NRXN1: variants seen among roughly 807,000 people sequenced by gnomAD.
NRXN1 encodes the protein neurexin 1, also known as neurexin-1.
Under a neutral mutation model 150.9 loss-of-function variants are expected in NRXN1, and 39 were observed. The observed-to-expected ratio is 0.26, with a 90% CI of 0.20 to 0.34. The LOEUF (loss-of-function observed/expected upper bound fraction) is 0.34, where lower values mean the gene tolerates loss of function less well. NRXN1 is among the 10% of genes least tolerant of loss of function. The pLI is 1.00. For missense variants in NRXN1, 1,815 were observed against 1,949.9 expected, an observed-to-expected ratio of 0.93 and a Z score of 1.30; for synonymous variants, 924 against 757.0, an observed-to-expected ratio of 1.22 and a Z score of -3.62.
At chr2:50,598,233 G>T (rs1675564144) in intron 8 of NRXN1, among the ~76,000 whole-genome samples, 1 of 151,540 alleles carries the variant, frequency 6.6e-6, no homozygotes, top group Non-Finnish European at 1.5e-5. Flanking sequence ...ACTAAATTTT[G>T]CCTGCCCTTA....
In NRXN1 at chr2:50,670,420, A is replaced by G. The variant is rs1688674884; in HGVS notation, c.833-46805T>C. Among the ~76,000 whole-genome samples the G allele has an allele frequency of 2.0e-5, 3 of 151,968 alleles. No individual in the cohort carries two copies. In the South Asian group the frequency reaches 6.2e-4, roughly 31 times the overall value. ...TATTGTAACGTAAACAATATTAAGT[A>G]TAACTTTCTTTTAAAAAATAATTTT... On this transcript the variant is annotated intron_variant, in intron 5 of 22. Transcript: ENST00000401669.
chr2:50,045,844 A>G (rs891525101), intron 21 of NRXN1, among the ~76,000 whole-genome samples: 1 of 152,214 alleles, frequency 6.6e-6, no homozygotes, highest in African/African-American at 2.4e-5. Context: ...CACAGACTTC[A>G]TTCAATATCT....
At chr2:49,970,837 G>T (rs1356861426) in intron 21 of NRXN1, among the ~76,000 whole-genome samples, 2 of 151,876 alleles carry the variant, frequency 1.3e-5, no homozygotes, top group Admixed American at 6.6e-5. Context: ...CTATCTATTG[G>T]TGTTTGAGTC....
intron 5 of NRXN1, chr2:50,631,037 G>T (rs1281551173): frequency 7.2e-6 from 3 of 418,088 alleles, no homozygotes; most frequent in South Asian, 3.9e-5. Flanking sequence ...TATCTTATTT[G>T]CCACGAACTG....
chr2:50,646,081 C>T (rs145370415), intron 5 of NRXN1, among the ~76,000 whole-genome samples: 2 of 152,038 alleles, frequency 1.3e-5, no homozygotes, highest in East Asian at 3.9e-4. Flanking sequence ...ACATTCCAGG[C>T]ATCCACAAAG....
chr2:50,744,237 A>C (rs1699757964), intron 5 of NRXN1, among the ~76,000 whole-genome samples: 1 of 152,162 alleles, frequency 6.6e-6, no homozygotes. Context: ...AATTTGGTAA[A>C]AACAATAATA....
rs191246463 is a variant in NRXN1, at chr2:50,591,942, G to A, written c.1320+28080C>T. Among the ~76,000 whole-genome samples, 5 of 143,904 alleles carry A rather than the reference G, an allele frequency of 3.5e-5. No individual in the cohort carries two copies. The East Asian group carries it at 1.0e-3, about 30-fold the overall frequency. 94.4% of individuals were successfully genotyped at this position (143,904 alleles called of 152,430 possible). On this transcript the variant is annotated intron_variant, in intron 8 of 22. Coordinates refer to ENST00000401669, the MANE Select transcript of NRXN1 (RefSeq NM_001330078.2). ...TGTGTGGATCTCAAACAGTTACTGT[G>A]TTGGATCCAAATTTCGACCTTGGTT...
At position 50,931,551 on chromosome 2, in the gene NRXN1, A is replaced by G. The variant is rs1687747377; in HGVS notation, c.773-5596T>C. On this transcript the variant is annotated intron_variant, in intron 2 of 22. Transcript: ENST00000401669. ...TTTTATATCAAATTAAAAATATTTT[A>G]TATTGTTATCTTCACTTCAATAGGA... is the stretch of plus-strand genomic sequence containing the variant. Among the ~76,000 whole-genome samples, 9 of 152,182 alleles carry G rather than the reference A, an allele frequency of 5.9e-5. No homozygotes were observed. In the South Asian group the frequency reaches 1.7e-3, roughly 28 times the overall value.
chr2:50,426,693 T>A (rs1049328001), intron 17 of NRXN1, among the ~76,000 whole-genome samples: 1 of 152,174 alleles, frequency 6.6e-6, no homozygotes, highest in Non-Finnish European at 1.5e-5. Flanking sequence ...TTTGTTGCAT[T>A]CGGCCCGGAA....
chr2:50,456,712 CA>C (rs1424110814), intron 17 of NRXN1, among the ~76,000 whole-genome samples: 1 of 151,890 alleles, frequency 6.6e-6, no homozygotes, highest in African/African-American at 2.4e-5. Flanking sequence ...CCCTTCCCTA[CA>C]AAAATGAGGG....
chr2:50,347,536 T>A lies in NRXN1; in HGVS notation c.3365-110566A>T, dbSNP rs978887307. ...GCCGGCTCGCCCGCTAGCGCCAGCC[T>A]CCCCCGGGCAGCGCGCGGAGCAGCG... On this transcript the variant is annotated intron_variant, in intron 17 of 22. Transcript: ENST00000401669. This position sits in a 1 kb window ranked among gnomAD's most constrained non-coding sequence, Gnocchi z 4.9. The A allele has an allele frequency of 5.3e-5, 55 of 1,032,942 alleles. No individual in the cohort carries two copies. The highest frequency in any genetic ancestry group is 4.7e-4 in the Middle Eastern group (1 of 2,118). 64.0% of individuals were successfully genotyped at this position (1,032,942 alleles called of 1,614,324 possible).
At chr2:50,086,054 T>C (rs1343488428) in intron 19 of NRXN1, among the ~76,000 whole-genome samples, 4 of 152,196 alleles carry the variant, frequency 2.6e-5, no homozygotes, top group African/African-American at 9.6e-5. Flanking sequence ...TTTTGTTGTT[T>C]GATAAATGAA....
intron 21 of NRXN1, among the ~76,000 whole-genome samples, chr2:50,001,418 C>T (rs1356032344): frequency 6.6e-6 from 1 of 151,992 alleles, no homozygotes; most frequent in Non-Finnish European, 1.5e-5. Flanking sequence ...TCTTTAATCA[C>T]CAGGGGCTTA....
intron 18 of NRXN1, among the ~76,000 whole-genome samples, chr2:50,203,109 G>T (rs946286578): frequency 6.6e-6 from 1 of 152,114 alleles, no homozygotes; most frequent in Admixed American, 6.6e-5. Flanking sequence ...CGTACTGCAG[G>T]TGAAGAGCTA....
chr2:50,922,806 T>G, intron 3 of NRXN1, 119 bp from the exon 4 acceptor site: 1 of 1,001,004 alleles, frequency 1.0e-6, no homozygotes, highest in Non-Finnish European at 1.6e-6. Flanking sequence ...CATGTCTGTA[T>G]CACAGAGGCA....
At chr2:50,276,675 C>T (rs2070513742) in intron 17 of NRXN1, among the ~76,000 whole-genome samples, 1 of 152,116 alleles carries the variant, frequency 6.6e-6, no homozygotes, top group Non-Finnish European at 1.5e-5. Context: ...AGGCACTTTG[C>T]TTCCCTAGCG....
At chr2:50,237,058 A>T in intron 17 of NRXN1, 88 bp from the exon 18 acceptor site, 1 of 1,261,144 alleles carries the variant, frequency 7.9e-7, no homozygotes, top group Non-Finnish European at 1.2e-6. Flanking sequence ...TCAGTAAAGT[A>T]TCAACTCTAC....
intron 5 of NRXN1, among the ~76,000 whole-genome samples, chr2:50,762,133 AC>A (rs1701873664): frequency 6.6e-6 from 1 of 151,462 alleles, no homozygotes; most frequent in Non-Finnish European, 1.5e-5. Flanking sequence ...ACACACACAC[AC>A]ACACACACAC....
intron 5 of NRXN1, among the ~76,000 whole-genome samples, chr2:50,894,156 G>A (rs1054058121): frequency 5.3e-5 from 8 of 151,710 alleles, no homozygotes; most frequent in African/African-American, 1.9e-4. Flanking sequence ...GAGTTAGTGG[G>A]TGCAGCGCAC....
Sources: allele counts gnomAD v4.1 joint callset (sites outside exome capture counted in the v4.1 genomes callset), GRCh38; gene constraint gnomAD v4.1.1; non-coding constraint Gnocchi (gnomAD v3.1); transcripts MANE v1.5; gene names NCBI Gene and HGNC (gene_info 2026-07-23, HGNC 2026-07-21).